Variants in MAOA observed in about 807,000 individuals in gnomAD.
MAOA encodes the protein amine oxidase [flavin-containing] A.
A neutral mutation model predicts 42.0 loss-of-function variants in MAOA; 6 were observed. The ratio of observed to expected loss-of-function variants is 0.14; its 90% CI spans 0.08 to 0.28. The LOEUF is 0.28. Ranked by LOEUF, MAOA falls within the 10% of genes least tolerant of loss-of-function variation. MAOA has a pLI of 1.00. For missense variants in MAOA, 262 were observed against 422.3 expected (o/e 0.62, Z 3.33); for synonymous variants, 140 against 154.0 (o/e 0.91, Z 0.67).
chrX:43,724,508 A>G (rs990463565), intron 5 of MAOA, among the ~76,000 whole-genome samples: 36 of 111,586 alleles, frequency 3.2e-4, no homozygotes, highest in African/African-American at 9.1e-4. Context: ...TTGTATTTCT[A>G]TGGGATTGGT....
intron 1 of MAOA, among the ~76,000 whole-genome samples, chrX:43,674,145 A>G (rs1316199579): frequency 9.0e-6 from 1 of 111,291 alleles, no homozygotes; most frequent in Non-Finnish European, 1.9e-5. Flanking sequence ...TTGGGTGCAT[A>G]TATATTTAGG....
intron 1 of MAOA, among the ~76,000 whole-genome samples, chrX:43,665,131 A>G (rs766571728): frequency 1.8e-5 from 2 of 112,225 alleles, no homozygotes; most frequent in Admixed American, 9.5e-5. Context: ...TGCTCTGGGC[A>G]TTGTTCACCT....
chrX:43,683,445 T>C, intron 1 of MAOA, 68 bp from the exon 2 acceptor site: 1 of 765,163 alleles, frequency 1.3e-6, no homozygotes, highest in Middle Eastern at 2.8e-4. Flanking sequence ...ATTTGATGTG[T>C]AGACCTGGTT....
intron 3 of MAOA, among the ~76,000 whole-genome samples, chrX:43,710,392 G>A (rs1481525888): frequency 8.9e-6 from 1 of 112,418 alleles, no homozygotes; most frequent in Non-Finnish European, 1.9e-5. Context: ...GTCACTTAAT[G>A]GCTGCCATAT....
At chrX:43,670,697 G>A (rs2033323557) in intron 1 of MAOA, among the ~76,000 whole-genome samples, 1 of 103,031 alleles carries the variant, frequency 9.7e-6, no homozygotes, top group Admixed American at 1.1e-4. Flanking sequence ...AACATGCGGT[G>A]TTTGGTTTTT....
chrX:43,716,202 C>T (rs1405328301), intron 5 of MAOA, among the ~76,000 whole-genome samples: 2 of 109,891 alleles, frequency 1.8e-5, no homozygotes, highest in Non-Finnish European at 3.8e-5. Context: ...GTAGGAAGAT[C>T]GTATCTTCCA....
chrX:43,686,240 G>A (rs899825211), intron 2 of MAOA, among the ~76,000 whole-genome samples: 5 of 111,955 alleles, frequency 4.5e-5, no homozygotes, highest in South Asian at 3.7e-4. Context: ...GTCATGTTGC[G>A]GATTTTCAGT....
At chrX:43,741,328 C>A (rs1401493854) in intron 11 of MAOA, among the ~76,000 whole-genome samples, 1 of 111,179 alleles carries the variant, frequency 9.0e-6, no homozygotes, top group Non-Finnish European at 1.9e-5. Flanking sequence ...CTTTCAGGGG[C>A]TTGTCTCTAA....
intron 2 of MAOA, among the ~76,000 whole-genome samples, chrX:43,692,203 G>A (rs781082455): frequency 9.0e-6 from 1 of 111,028 alleles, no homozygotes; most frequent in East Asian, 2.8e-4. Context: ...TTTGGACCTA[G>A]TGCAAAGCTA....
At position 43,656,425 on chromosome X, in the gene MAOA, A is replaced by G; in HGVS notation, c.73+11A>G. 1 of 1,207,240 alleles carries G rather than the reference A, an allele frequency of 8.3e-7. No homozygotes were observed. Among genetic ancestry groups the G allele is most frequent in the Non-Finnish European group, 1.1e-6 (1 of 891,613 alleles). On this transcript the variant is annotated intron_variant, in intron 1 of 14. Coordinates refer to ENST00000338702, the MANE Select transcript of MAOA (RefSeq NM_000240.4). ...GAGGTGGCATTTCAGGTCAGTGTGG[A>G]CCGTAGCGGTGGCCTGGGGGACCCT...
chrX:43,687,173 G>A (rs2033494141), intron 2 of MAOA, among the ~76,000 whole-genome samples: 1 of 111,965 alleles, frequency 8.9e-6, no homozygotes, highest in African/African-American at 3.2e-5. Context: ...TCTAAATCAA[G>A]ACCCCAAAGA....
intron 1 of MAOA, among the ~76,000 whole-genome samples, chrX:43,663,441 A>G (rs900409561): frequency 8.9e-6 from 1 of 112,108 alleles, no homozygotes; most frequent in African/African-American, 3.2e-5. Context: ...TATATTAACC[A>G]TGTCCAAGGG....
intron 3 of MAOA, among the ~76,000 whole-genome samples, chrX:43,710,258 G>A (rs761938090): frequency 1.3e-4 from 15 of 112,594 alleles, no homozygotes; most frequent in Non-Finnish European, 1.9e-4. Flanking sequence ...TGATGATAAA[G>A]GATTTGGAGT....
chrX:43,743,686 C>T, intron 12 of MAOA, 108 bp from the exon 13 acceptor site: 1 of 954,568 alleles, frequency 1.0e-6, no homozygotes, highest in Non-Finnish European at 1.5e-6. Context: ...GTTTTTTAAA[C>T]AGTCTGAATT....
chrX:43,708,035 C>T (rs762040909), intron 3 of MAOA, among the ~76,000 whole-genome samples: 1 of 112,001 alleles, frequency 8.9e-6, no homozygotes, highest in South Asian at 3.7e-4. Flanking sequence ...TGGCAATAGT[C>T]TCCTGTTATT....
chrX:43,743,765 C>T, intron 12 of MAOA, 29 bp from the exon 13 acceptor site: 1 of 1,164,292 alleles, frequency 8.6e-7, no homozygotes, highest in Non-Finnish European at 1.1e-6. Context: ...TCCCAAGTAA[C>T]TCTGTGTAAC....
In MAOA at chrX:43,745,790, C is replaced by T. The variant is rs1398015479; in HGVS notation, c.*1277C>T. The T allele has an allele frequency of 9.0e-6, 1 of 111,660 alleles. No homozygotes were observed. The highest frequency in any genetic ancestry group is 1.9e-5 in the Non-Finnish European group (1 of 53,117). 9.2% of individuals were successfully genotyped at this position (111,660 alleles called of 1,213,427 possible). ...AAACTCAGATTTTTAAAAGCCCTTT[C>T]CAAAGGTTTCAACTGTAAAATACTT... On this transcript the variant is annotated 3_prime_UTR_variant, in exon 15 of 15. Transcript: ENST00000338702.
At chrX:43,674,129 C>T (rs1261150865) in intron 1 of MAOA, among the ~76,000 whole-genome samples, 41 of 111,321 alleles carry the variant, frequency 3.7e-4, no homozygotes, top group Non-Finnish European at 7.0e-4. Flanking sequence ...TCTGGGTGCT[C>T]CTGTATTGGG....
At chrX:43,678,050 C>A (rs1458520905) in intron 1 of MAOA, among the ~76,000 whole-genome samples, 1 of 111,969 alleles carries the variant, frequency 8.9e-6, no homozygotes, top group East Asian at 2.8e-4. Context: ...TAAACACTTG[C>A]TGATTTAATA....
Sources: allele counts gnomAD v4.1 joint callset (sites outside exome capture counted in the v4.1 genomes callset), GRCh38; gene constraint gnomAD v4.1.1; transcripts MANE v1.5; gene names NCBI Gene and HGNC (gene_info 2026-07-23, HGNC 2026-07-21).